Variants in TMTC3 observed in about 807,000 individuals in gnomAD.
The protein encoded by TMTC3 is transmembrane O-mannosyltransferase targeting cadherins 3, also known as protein O-mannosyl-transferase TMTC3.
TMTC3 carries 52 observed loss-of-function variants against 92.2 expected under a neutral mutation model. The observed-to-expected ratio is 0.56, with a 90% CI of 0.45 to 0.71. The LOEUF (loss-of-function observed/expected upper bound fraction) is 0.71. TMTC3 is among the 30% of genes least tolerant of loss of function. The pLI is 0.00. For synonymous variants in TMTC3, 339 were observed against 363.3 expected (o/e 0.93, Z 0.76); for missense variants, 896 against 1,057.1 (o/e 0.85, Z 2.11).
chr12:88,153,310 A>T lies in TMTC3; in HGVS notation c.209A>T (p.Tyr70Phe), dbSNP rs746314812. 1.2e-6 allele frequency: 2 copies of T among 1,611,600 alleles called. No individual in the cohort carries two copies. Among genetic ancestry groups the T allele is most frequent in the Non-Finnish European group, 1.7e-6 (2 of 1,179,058 alleles). The change falls in exon 3 of 14, where the codon TAC (tyrosine) becomes TTC (phenylalanine). Residue 70 changes from tyrosine (Y) to phenylalanine (F), a missense_variant. By Grantham distance (22) the Tyr-to-Phe change is conservative. Transcript: ENST00000266712. Reference protein sequence around the residue: ...PMSEERSHKSYRPLTVLTFRL... With the variant: ...PMSEERSHKSFRPLTVLTFRL... ...TTGTAGGAGAGAAGCCACAAGTCTT[A>T]CCGTCCCTTAACAGTATTGACATTT... is the stretch of plus-strand genomic sequence containing the variant.
chr12:88,152,403 A>AC (rs2040954190), intron 2 of TMTC3, among the ~76,000 whole-genome samples: 1 of 152,104 alleles, frequency 6.6e-6, no homozygotes, highest in African/African-American at 2.4e-5. Flanking sequence ...AACCCCAATG[A>AC]CCCAAACATC....
chr12:88,167,958 A>G lies in TMTC3; in HGVS notation c.1050+1376A>G, dbSNP rs1217584037. 2.0e-5 allele frequency among the ~76,000 whole-genome samples: 3 copies of G among 152,304 alleles called. No individual in the cohort carries two copies. The South Asian group carries it at 6.2e-4, about 32-fold the overall frequency. On this transcript the variant is annotated intron_variant, in intron 7 of 13. Coordinates refer to ENST00000266712, the MANE Select transcript of TMTC3 (RefSeq NM_181783.4). Reference sequence around the variant, plus strand: ...AATTCTGTCAAAGATGGTAGCTGTTAACATTCTAGATGCACAGAAGTTCAC... The same window carrying G: ...AATTCTGTCAAAGATGGTAGCTGTTGACATTCTAGATGCACAGAAGTTCAC...
chr12:88,161,539 T>A (rs1396875545), intron 6 of TMTC3, among the ~76,000 whole-genome samples: 1 of 152,102 alleles, frequency 6.6e-6, no homozygotes, highest in Non-Finnish European at 1.5e-5. Context: ...ATATCATTGA[T>A]TTATATTTAA....
chr12:88,153,189 A>ATTGT (rs2040963908), intron 2 of TMTC3, 102 bp from the exon 3 acceptor site: 1 of 643,504 alleles, frequency 1.6e-6, no homozygotes, highest in East Asian at 2.8e-5. Flanking sequence ...TTTCTCAGTA[A>ATTGT]AATGTAGATA....
intron 6 of TMTC3, among the ~76,000 whole-genome samples, chr12:88,162,542 T>C (rs911066058): frequency 3.3e-5 from 5 of 152,208 alleles, no homozygotes; most frequent in African/African-American, 1.2e-4. Context: ...AGTTCACTAA[T>C]CTTTTTTCTG....
chr12:88,176,295 T>C lies in TMTC3; in HGVS notation c.1408T>C (p.Leu470=). The stretch of plus-strand genomic sequence containing the variant: ...CTTTGAGAGAGCTTTGAAATACTTC[T>C]TACAGGCTACCCATGTTCAGCCAGG... ...KNFERALKYF[L]QATHVQPDDI... The change falls in exon 10 of 14, where the codon TTA becomes CTA. Residue 470 remains leucine, a synonymous_variant. Coordinates refer to ENST00000266712, the MANE Select transcript of TMTC3 (RefSeq NM_181783.4). 12 of 1,611,676 alleles carry C rather than the reference T, an allele frequency of 7.4e-6. 1 individual carries two copies. Among genetic ancestry groups the C allele is most frequent in the Non-Finnish European group, 1.0e-5 (12 of 1,178,620 alleles).
At chr12:88,169,072 T>G (rs1388778459) in intron 7 of TMTC3, among the ~76,000 whole-genome samples, 3 of 152,200 alleles carry the variant, frequency 2.0e-5, no homozygotes, top group Non-Finnish European at 4.4e-5. Flanking sequence ...GGAAATGTAG[T>G]TGCCTGCTAA....
rs1264387444 is a variant in TMTC3, at chr12:88,166,525, G to A, written c.993G>A (p.Gly331=). The part of the protein sequence containing the change: ...LATFTFFCFL[G]MLGVFSIRYS... Reference sequence around the variant, plus strand: ...CATTTACTTTCTTTTGTTTTCTGGGGATGTTGGGAGTATTCAGTATCAGAT... The same window carrying A: ...CATTTACTTTCTTTTGTTTTCTGGGAATGTTGGGAGTATTCAGTATCAGAT... The change falls in exon 7 of 14, where the codon GGG becomes GGA. Residue 331 remains glycine, a synonymous_variant. Coordinates refer to ENST00000266712, the MANE Select transcript of TMTC3 (RefSeq NM_181783.4). The A allele has an allele frequency of 1.9e-6, 3 of 1,613,840 alleles. No individual in the cohort carries two copies. The highest frequency in any genetic ancestry group is 2.5e-6 in the Non-Finnish European group (3 of 1,179,920).
intron 6 of TMTC3, among the ~76,000 whole-genome samples, chr12:88,164,699 A>G (rs924305925): frequency 1.3e-5 from 2 of 152,186 alleles, no homozygotes; most frequent in South Asian, 2.1e-4. Flanking sequence ...AGTTATTGCC[A>G]TTACATGCAA....
chr12:88,185,583 T>G (rs1307250607), intron 10 of TMTC3, among the ~76,000 whole-genome samples: 1 of 152,180 alleles, frequency 6.6e-6, no homozygotes, highest in Non-Finnish European at 1.5e-5. Context: ...TGTTTTCATT[T>G]CTCTTAGGTA....
At chr12:88,157,509 C>T (rs2138376058) in intron 4 of TMTC3, among the ~76,000 whole-genome samples, 1 of 152,096 alleles carries the variant, frequency 6.6e-6, no homozygotes, top group South Asian at 2.1e-4. Context: ...AATATCACTA[C>T]TCATCTTTCC....
In TMTC3 at chr12:88,199,202, G is replaced by C. The variant is rs998781407; in HGVS notation, c.*3553G>C. 3 of 151,910 alleles carry C rather than the reference G, an allele frequency of 2.0e-5. No homozygotes were observed. The highest frequency in any genetic ancestry group is 7.2e-5 in the African/African-American group (3 of 41,396). 9.4% of individuals were successfully genotyped at this position (151,910 alleles called of 1,614,324 possible). On this transcript the variant is annotated 3_prime_UTR_variant, in exon 14 of 14. Transcript: ENST00000266712. ...AGTGACAACCACCAAATTAAGAAAA[G>C]GAAACAACTCAGACTTGGAATTTTA...
chr12:88,174,730 A>G lies in TMTC3; in HGVS notation c.1320+3A>G. 6.2e-7 allele frequency: 1 copy of G among 1,611,748 alleles called. No individual in the cohort carries two copies. The highest frequency in any genetic ancestry group is 8.5e-7 in the Non-Finnish European group (1 of 1,178,722). ...CATTGTTTATGTCAGCCTTGAAGGT[A>G]AAGTGTTGTTCAGAATGACAGGAAA... On this transcript the variant is annotated splice_donor_region_variant and intron_variant, in intron 9 of 13. Coordinates refer to ENST00000266712, the MANE Select transcript of TMTC3 (RefSeq NM_181783.4).
intron 1 of TMTC3, among the ~76,000 whole-genome samples, chr12:88,144,189 A>G (rs1235580212): frequency 1.3e-5 from 2 of 152,194 alleles, no homozygotes; most frequent in Non-Finnish European, 2.9e-5. Context: ...CCTGTGACTT[A>G]GAATGACTGA....
chr12:88,199,108 A>G lies in TMTC3; in HGVS notation c.*3459A>G, dbSNP rs2041551636. On this transcript the variant is annotated 3_prime_UTR_variant, in exon 14 of 14. Transcript: ENST00000266712. ...TCTTTTATGAAGAAGAGCTGACGTA[A>G]TTTATTAGCAGTGATCTGAGAAAGA... 1 of 152,036 alleles carries G rather than the reference A, an allele frequency of 6.6e-6. No homozygotes were observed. Among genetic ancestry groups the G allele is most frequent in the African/African-American group, 2.4e-5 (1 of 41,428 alleles). The allele number at this position is 152,036 out of a possible 1,614,324, so 9.4% of individuals were successfully genotyped here.
At chr12:88,192,949 T>A in intron 13 of TMTC3, 119 bp downstream of exon 13, 1 of 706,676 alleles carries the variant, frequency 1.4e-6, no homozygotes, top group Admixed American at 3.3e-5. Flanking sequence ...ATAGCAATAC[T>A]GTGCTTAACT....
intron 10 of TMTC3, among the ~76,000 whole-genome samples, chr12:88,176,666 T>G (rs2041262979): frequency 6.6e-6 from 1 of 152,094 alleles, no homozygotes; most frequent in African/African-American, 2.4e-5. Context: ...ACTCGGCTAC[T>G]TGGGAGGCTC....
At chr12:88,187,600 C>T (rs1402384572) in intron 10 of TMTC3, among the ~76,000 whole-genome samples, 2 of 152,120 alleles carry the variant, frequency 1.3e-5, no homozygotes, top group East Asian at 3.9e-4. Flanking sequence ...TACTCCTAAA[C>T]TTATCTATAA....
rs1159895460 is a variant in TMTC3 at position 88,192,727 on chromosome 12, TAAAG to T, written c.1833_1836del (p.Lys611AsnfsTer6). ...ACTTGGCAATTGTACATATTGAACTTAAAGAACCAAATGAAGCCCTAAAAAACTT... is the reference window on the plus strand; with the variant it reads ...ACTTGGCAATTGTACATATTGAACTTAACCAAATGAAGCCCTAAAAAACTT... On this transcript the variant is annotated frameshift_variant, in exon 13 of 14. Transcript: ENST00000266712. LOFTEE classifies it high-confidence loss of function. 3.1e-6 allele frequency: 5 copies of T among 1,613,440 alleles called. No homozygotes were observed. The highest frequency in any genetic ancestry group is 4.2e-6 in the Non-Finnish European group (5 of 1,179,708).
Sources: allele counts gnomAD v4.1 joint callset (sites outside exome capture counted in the v4.1 genomes callset), GRCh38; gene constraint gnomAD v4.1.1; transcripts MANE v1.5; gene names NCBI Gene and HGNC (gene_info 2026-07-23, HGNC 2026-07-21).